Variants in SLC28A1 observed in about 807,000 individuals in gnomAD.
SLC28A1 encodes sodium/nucleoside cotransporter 1.
A neutral mutation model predicts 74.8 loss-of-function variants in SLC28A1; 64 were observed. The observed-to-expected ratio is 0.86, with a 90% CI of 0.70 to 1.05. The LOEUF (loss-of-function observed/expected upper bound fraction) is 1.05, where lower values mean the gene tolerates loss of function less well. SLC28A1 is among the 50% of genes least tolerant of loss of function. The pLI is 0.00. For missense variants in SLC28A1, 828 were observed against 822.8 expected (o/e 1.01, Z -0.08); for synonymous variants, 359 against 335.0 (o/e 1.07, Z -0.78).
At chr15:84,950,449 C>T (rs1474066781), downstream of SLC28A1, among the ~76,000 whole-genome samples, 3 of 150,314 alleles carry the variant, frequency 2.0e-5, no homozygotes, top group Non-Finnish European at 3.0e-5. Flanking sequence ...CTCAGCTAGG[C>T]GCGGTAGCTC....
intron 6 of SLC28A1, among the ~76,000 whole-genome samples, chr15:84,899,870 C>T (rs761203995): frequency 7.2e-6 from 1 of 139,058 alleles, no homozygotes; most frequent in Non-Finnish European, 1.5e-5. Context: ...GCTGCCTGGG[C>T]GATAGAGGGA....
intron 9 of SLC28A1, among the ~76,000 whole-genome samples, chr15:84,917,848 C>A (rs1293955142): frequency 4.6e-5 from 7 of 152,052 alleles, no homozygotes; most frequent in East Asian, 1.9e-4. Context: ...AGAAAAGCAA[C>A]CTCCTTTTCC....
chr15:84,920,891 G>A, intron 10 of SLC28A1, 98 bp from the exon 11 acceptor site: 1 of 918,594 alleles, frequency 1.1e-6, no homozygotes, highest in Non-Finnish European at 1.8e-6. Flanking sequence ...ACTGGGCTGG[G>A]AGTTGGGAGG....
At chr15:84,952,833 T>TGAGTGCGG in the SLC28A1 span, among the ~76,000 whole-genome samples, 1 of 152,186 alleles carries the variant, frequency 6.6e-6, no homozygotes, top group Non-Finnish European at 1.5e-5. Flanking sequence ...CACTCCAGCC[T>TGAGTGCGG]GGAGAACAGA....
chr15:84,925,830 T>C (rs934218441), intron 12 of SLC28A1, among the ~76,000 whole-genome samples: 15 of 152,172 alleles, frequency 9.9e-5, no homozygotes, highest in African/African-American at 3.1e-4. Flanking sequence ...AGTTCACAAA[T>C]TATAAAAAGA....
chr15:84,886,648 A>G (rs1964635849), intron 1 of SLC28A1, 24 bp from the exon 2 acceptor site: 1 of 985,310 alleles, frequency 1.0e-6, no homozygotes, highest in Admixed American at 6.1e-5. Context: ...GGCCCAACCT[A>G]CTCCGACCCT....
intron 11 of SLC28A1, among the ~76,000 whole-genome samples, chr15:84,921,547 C>T (rs1038517292): frequency 3.9e-5 from 6 of 152,082 alleles, no homozygotes; most frequent in Non-Finnish European, 7.4e-5. Context: ...CCCTTGGTGC[C>T]GAGTCCCTTT....
intron 16 of SLC28A1, among the ~76,000 whole-genome samples, chr15:84,944,119 G>A (rs1172445073): frequency 6.6e-6 from 1 of 152,192 alleles, no homozygotes; most frequent in Non-Finnish European, 1.5e-5. Flanking sequence ...AGGCCTGGTG[G>A]GGCCTAAGGT....
the SLC28A1 span, chr15:84,975,366 G>A: frequency 3.6e-5 from 14 of 384,044 alleles, no homozygotes; most frequent in Non-Finnish European, 7.4e-5. Context: ...CAACATCTGC[G>A]TTCCAGTTTC....
chr15:84,937,476 A>G (rs925954100), intron 15 of SLC28A1, among the ~76,000 whole-genome samples: 16 of 152,210 alleles, frequency 1.1e-4, no homozygotes, highest in African/African-American at 1.4e-4. Context: ...CACTACTTCA[A>G]TAAGCAAATA....
intron 12 of SLC28A1, among the ~76,000 whole-genome samples, chr15:84,928,264 C>T (rs1237320354): frequency 6.6e-6 from 1 of 152,142 alleles, no homozygotes; most frequent in African/African-American, 2.4e-5. Context: ...AAGCCCCAGA[C>T]TACAACTATA....
chr15:84,932,049 C>T (rs544236264), intron 12 of SLC28A1, among the ~76,000 whole-genome samples: 20 of 152,188 alleles, frequency 1.3e-4, no homozygotes, highest in African/African-American at 4.3e-4. Flanking sequence ...GCCCCAGCAG[C>T]CAGGGACAGT....
intron 10 of SLC28A1, among the ~76,000 whole-genome samples, chr15:84,918,994 C>A (rs983743593): frequency 6.6e-6 from 1 of 151,872 alleles, no homozygotes; most frequent in African/African-American, 2.4e-5. Context: ...AGGATCTTCA[C>A]CCTCACAGAA....
At chr15:84,946,074 G>A (rs1434267067), downstream of SLC28A1, among the ~76,000 whole-genome samples, 11 of 53,596 alleles carry the variant, frequency 2.1e-4, no homozygotes, top group East Asian at 4.0e-3. Flanking sequence ...ATATATATGT[G>A]TGTGTATGTT....
intron 8 of SLC28A1, 74 bp from the exon 9 acceptor site, chr15:84,908,644 C>G: frequency 1.5e-6 from 2 of 1,316,708 alleles, no homozygotes; most frequent in Non-Finnish European, 2.2e-6. Flanking sequence ...CCGCCTGTCT[C>G]TGGCCGCTGC....
chr15:84,953,996 T>A, the SLC28A1 span, among the ~76,000 whole-genome samples: 1 of 152,206 alleles, frequency 6.6e-6, no homozygotes, highest in Non-Finnish European at 1.5e-5. Context: ...TGTGTTTGTG[T>A]CTTCCTGCAC....
intron 11 of SLC28A1, among the ~76,000 whole-genome samples, chr15:84,922,274 C>T (rs1051535120): frequency 3.9e-5 from 6 of 152,140 alleles, no homozygotes; most frequent in African/African-American, 1.2e-4. Flanking sequence ...GCCCCTTGAC[C>T]GTCCACTTGG....
chr15:84,973,365 G>A, the SLC28A1 span, among the ~76,000 whole-genome samples: 3 of 152,198 alleles, frequency 2.0e-5, no homozygotes. Flanking sequence ...AGCATAGTTA[G>A]TTCTGACTTC....
intron 6 of SLC28A1, among the ~76,000 whole-genome samples, chr15:84,899,871 G>A (rs1395473618): frequency 6.6e-6 from 1 of 150,886 alleles, no homozygotes; most frequent in Non-Finnish European, 1.5e-5. Context: ...CTGCCTGGGC[G>A]ATAGAGGGAG....
Sources: allele counts gnomAD v4.1 joint callset (sites outside exome capture counted in the v4.1 genomes callset), GRCh38; gene constraint gnomAD v4.1.1; transcripts MANE v1.5; gene names NCBI Gene and HGNC (gene_info 2026-07-23, HGNC 2026-07-21).